The following ZNF804A variants were observed in gnomAD, a reference collection of about 807,000 sequenced individuals.
The protein encoded by ZNF804A is zinc finger protein 804A.
Under a neutral mutation model 16.5 loss-of-function variants are expected in ZNF804A, and 2 were observed. The ratio of observed to expected loss-of-function variants is 0.12; its 90% CI spans 0.05 to 0.38. The LOEUF is 0.38. Ranked by LOEUF, ZNF804A falls within the 10% of genes least tolerant of loss-of-function variation. The pLI is 0.99. For missense variants in ZNF804A, 1,473 were observed against 1,390.7 expected, an observed-to-expected ratio of 1.06 and a Z score of -0.94; for synonymous variants, 534 against 489.6, an observed-to-expected ratio of 1.09 and a Z score of -1.20.
At chr2:184,834,795 G>C (rs182817014) in intron 1 of ZNF804A, among the ~76,000 whole-genome samples, 1 of 152,184 alleles carries the variant, frequency 6.6e-6, no homozygotes, top group Non-Finnish European at 1.5e-5. Context: ...AAATATACAT[G>C]CTTCAATTTC....
chr2:184,860,638 T>C (rs915346732), intron 1 of ZNF804A, among the ~76,000 whole-genome samples: 3 of 152,152 alleles, frequency 2.0e-5, no homozygotes, highest in Non-Finnish European at 4.4e-5. Context: ...TTTCTGCAAC[T>C]ATGGGAACTT....
chr2:184,853,040 A>G (rs1169001878), intron 1 of ZNF804A, among the ~76,000 whole-genome samples: 1 of 151,824 alleles, frequency 6.6e-6, no homozygotes, highest in Non-Finnish European at 1.5e-5. Context: ...GCCTAGGATG[A>G]ATATTTTAAA....
intron 1 of ZNF804A, among the ~76,000 whole-genome samples, chr2:184,818,612 C>T (rs1695021726): frequency 6.6e-6 from 1 of 151,894 alleles, no homozygotes; most frequent in South Asian, 2.1e-4. Flanking sequence ...CACAGAATGG[C>T]AAGCTGGATA....
At chr2:184,643,087 A>G (rs1396302431) in intron 1 of ZNF804A, among the ~76,000 whole-genome samples, 1 of 152,116 alleles carries the variant, frequency 6.6e-6, no homozygotes, top group Non-Finnish European at 1.5e-5. Context: ...ATTAAAAAGC[A>G]CATCTACTAG....
chr2:184,890,741 C>T (rs1684968220), intron 2 of ZNF804A, among the ~76,000 whole-genome samples: 1 of 151,306 alleles, frequency 6.6e-6, no homozygotes, highest in Non-Finnish European at 1.5e-5. Flanking sequence ...ATTAATTATT[C>T]CTTAAAATTC....
At chr2:184,696,681 T>C (rs1403284152) in intron 1 of ZNF804A, among the ~76,000 whole-genome samples, 2 of 151,712 alleles carry the variant, frequency 1.3e-5, no homozygotes, top group African/African-American at 4.8e-5. Flanking sequence ...TAAATTAACA[T>C]ATGGTTTTTC....
intron 2 of ZNF804A, among the ~76,000 whole-genome samples, chr2:184,924,398 A>G (rs1271457756): frequency 6.6e-6 from 1 of 151,660 alleles, no homozygotes; most frequent in African/African-American, 2.4e-5. Flanking sequence ...TTTATATGGT[A>G]TCTGTTGCAA....
At chr2:184,761,199 T>C (rs970539710) in intron 1 of ZNF804A, among the ~76,000 whole-genome samples, 1 of 152,166 alleles carries the variant, frequency 6.6e-6, no homozygotes, top group African/African-American at 2.4e-5. Flanking sequence ...TATAGAAATT[T>C]TGACAAACAC....
intron 2 of ZNF804A, among the ~76,000 whole-genome samples, chr2:184,892,394 C>T (rs1016261633): frequency 1.3e-5 from 2 of 151,198 alleles, no homozygotes; most frequent in Non-Finnish European, 2.9e-5. Flanking sequence ...ACTGTGTGGG[C>T]TCAATGAGAA....
intron 2 of ZNF804A, among the ~76,000 whole-genome samples, chr2:184,896,659 A>G (rs946099998): frequency 5.9e-5 from 9 of 152,122 alleles, no homozygotes; most frequent in African/African-American, 1.9e-4. Flanking sequence ...ACAAAACACC[A>G]TTGGTCAATA....
intron 1 of ZNF804A, among the ~76,000 whole-genome samples, chr2:184,736,226 C>A (rs1693610289): frequency 6.6e-6 from 1 of 152,142 alleles, no homozygotes. Flanking sequence ...GTGATCCTGA[C>A]CTTACCAATT....
At chr2:184,694,912 T>C (rs1279291258) in intron 1 of ZNF804A, among the ~76,000 whole-genome samples, 2 of 152,154 alleles carry the variant, frequency 1.3e-5, no homozygotes, top group African/African-American at 4.8e-5. Context: ...GAAGTTCTGT[T>C]CCTATGGATG....
intron 1 of ZNF804A, among the ~76,000 whole-genome samples, chr2:184,619,398 AG>A (rs1652671949): frequency 6.6e-6 from 1 of 151,938 alleles, no homozygotes; most frequent in Admixed American, 6.6e-5. Flanking sequence ...GATCATTTTA[AG>A]GGTATTTATG....
chr2:184,639,294 A>C (rs998517861), intron 1 of ZNF804A, among the ~76,000 whole-genome samples: 1 of 151,682 alleles, frequency 6.6e-6, no homozygotes, highest in African/African-American at 2.4e-5. Flanking sequence ...GGCTGGCCTC[A>C]AACTCCTGAC....
chr2:184,622,448 T>G (rs528807000), intron 1 of ZNF804A, among the ~76,000 whole-genome samples: 1 of 151,902 alleles, frequency 6.6e-6, no homozygotes, highest in Non-Finnish European at 1.5e-5. Context: ...GATAAATTTC[T>G]TGCACCAAAA....
chr2:184,608,167 GA>G (rs1178327643), intron 1 of ZNF804A, among the ~76,000 whole-genome samples: 1 of 151,502 alleles, frequency 6.6e-6, no homozygotes, highest in Non-Finnish European at 1.5e-5. Flanking sequence ...GGATGGTCTC[GA>G]TCTCCTGACC....
At chr2:184,917,761 T>A (rs2105835113) in intron 2 of ZNF804A, among the ~76,000 whole-genome samples, 1 of 151,464 alleles carries the variant, frequency 6.6e-6, no homozygotes, top group East Asian at 2.0e-4. Context: ...GCTTTTGGAA[T>A]GTATCCCATG....
chr2:184,760,768 T>C (rs1694027716), intron 1 of ZNF804A, among the ~76,000 whole-genome samples: 1 of 152,116 alleles, frequency 6.6e-6, no homozygotes, highest in Non-Finnish European at 1.5e-5. Context: ...TAGAATAATT[T>C]GTTTGCTACT....
chr2:184,679,022 A>G (rs532766326), intron 1 of ZNF804A, among the ~76,000 whole-genome samples: 1 of 152,356 alleles, frequency 6.6e-6, no homozygotes, highest in East Asian at 1.9e-4. Context: ...ACTTTAATGT[A>G]ATAATAAAAA....
Sources: allele counts gnomAD v4.1 joint callset (sites outside exome capture counted in the v4.1 genomes callset), GRCh38; gene constraint gnomAD v4.1.1; transcripts MANE v1.5; gene names NCBI Gene and HGNC (gene_info 2026-07-23, HGNC 2026-07-21).